The following TLK2 variants were observed in gnomAD, a reference collection of about 807,000 sequenced individuals.
TLK2 encodes tousled like kinase 2.
In TLK2, 6 loss-of-function variants were observed where a neutral mutation model predicts 117.3. That is an observed-to-expected ratio of 0.05 (90% confidence interval 0.03 to 0.10). The LOEUF (loss-of-function observed/expected upper bound fraction) is 0.10, where lower values mean the gene tolerates loss of function less well. TLK2 is among the 10% of genes least tolerant of loss of function. TLK2 has a pLI of 1.00. For missense variants in TLK2, 299 were observed against 901.2 expected, an observed-to-expected ratio of 0.33 and a Z score of 8.56; for synonymous variants, 257 against 316.7, an observed-to-expected ratio of 0.81 and a Z score of 2.00.
In TLK2 at chr17:62,603,970, CTTTATTTATTTATTTATTTATTTA is replaced by C. The variant is rs66748805; in HGVS notation, c.1859+1818_1859+1841del. On this transcript the variant is annotated intron_variant, in intron 19 of 21. Transcript: ENST00000346027. ...TTACAGAATTCTTCTACATTGAATA[CTTTATTTATTTATTTATTTATTTA>C]TTTATTTATTTATTTATTTATTTAT... 4.2e-3 allele frequency among the ~76,000 whole-genome samples: 601 copies of C among 141,512 alleles called. 3 individuals are homozygous for C. Among genetic ancestry groups the C allele is most frequent in the African/African-American group, 0.014 (559 of 38,744 alleles). The allele number at this position is 141,512 out of a possible 152,430, so 92.8% of individuals were successfully genotyped here.
At chr17:62,607,083 A>G (rs1463440821) in intron 20 of TLK2, among the ~76,000 whole-genome samples, 1 of 135,174 alleles carries the variant, frequency 7.4e-6, no homozygotes, top group Non-Finnish European at 1.5e-5. Flanking sequence ...AGGCTTAATT[A>G]TTATTTACAT....
chr17:62,586,012 A>T (rs902525237), intron 15 of TLK2, 123 bp from the exon 16 acceptor site: 7 of 665,158 alleles, frequency 1.1e-5, no homozygotes, highest in South Asian at 6.8e-5. Context: ...TGATATAAGT[A>T]TGTGATGTAT....
intron 7 of TLK2, among the ~76,000 whole-genome samples, chr17:62,540,848 G>T (rs1476150724): frequency 6.6e-6 from 1 of 152,040 alleles, no homozygotes; most frequent in African/African-American, 2.4e-5. Context: ...GTGTTGAAAC[G>T]TAAGTCCAGT....
intron 12 of TLK2, among the ~76,000 whole-genome samples, chr17:62,575,675 T>TTCTC (rs1052693731): frequency 6.6e-6 from 1 of 151,788 alleles, no homozygotes; most frequent in African/African-American, 2.4e-5. Flanking sequence ...CTTTCTGTCT[T>TTCTC]TCTCTCTCTC....
At chr17:62,534,375 TA>T (rs1176440116) in intron 6 of TLK2, among the ~76,000 whole-genome samples, 3 of 152,242 alleles carry the variant, frequency 2.0e-5, no homozygotes, top group Non-Finnish European at 4.4e-5. Flanking sequence ...TATTACCGTT[TA>T]ACTTAGATCA....
chr17:62,539,082 T>C (rs1471771570), intron 7 of TLK2, among the ~76,000 whole-genome samples: 3 of 152,230 alleles, frequency 2.0e-5, no homozygotes, highest in African/African-American at 7.2e-5. Context: ...TTTAGAGATA[T>C]ATTCAGTTTT....
intron 7 of TLK2, among the ~76,000 whole-genome samples, chr17:62,547,986 T>C (rs953393712): frequency 1.3e-5 from 2 of 152,210 alleles, no homozygotes; most frequent in African/African-American, 4.8e-5. Flanking sequence ...TTGTTTGTAT[T>C]ATATTCAGAA....
At chr17:62,487,584 C>A (rs1426983450) in intron 2 of TLK2, among the ~76,000 whole-genome samples, 2 of 146,484 alleles carry the variant, frequency 1.4e-5, no homozygotes, top group African/African-American at 2.5e-5. Context: ...TTCTTTTAAT[C>A]TGCAGGAATT....
At chr17:62,603,970 C>CTTTATTTATTTA (rs66748805) in intron 19 of TLK2, among the ~76,000 whole-genome samples, 6 of 141,434 alleles carry the variant, frequency 4.2e-5, no homozygotes, top group African/African-American at 5.2e-5. Flanking sequence ...ACATTGAATA[C>CTTTATTTATTTA]TTTATTTATT....
chr17:62,478,259 C>T (rs2071153832), upstream of TLK2, among the ~76,000 whole-genome samples: 1 of 151,662 alleles, frequency 6.6e-6, no homozygotes, highest in Admixed American at 6.6e-5. Context: ...GATTAGCGTC[C>T]TCTAAACTCC....
At chr17:62,611,521 G>A (rs1022509765) in intron 21 of TLK2, among the ~76,000 whole-genome samples, 1 of 152,146 alleles carries the variant, frequency 6.6e-6, no homozygotes, top group African/African-American at 2.4e-5. Flanking sequence ...CCTCCGCATC[G>A]ATATCCCCTG....
At chr17:62,484,307 T>C (rs1484362790) in intron 2 of TLK2, among the ~76,000 whole-genome samples, 1 of 152,026 alleles carries the variant, frequency 6.6e-6, no homozygotes, top group Non-Finnish European at 1.5e-5. Context: ...TGACTTCTTT[T>C]TTTTTTGAGA....
intron 2 of TLK2, among the ~76,000 whole-genome samples, chr17:62,503,499 C>T (rs1486101452): frequency 1.3e-5 from 2 of 151,118 alleles, no homozygotes; most frequent in Non-Finnish European, 2.9e-5. Flanking sequence ...CCCACTGCAA[C>T]CTCTGCCTCC....
chr17:62,558,880 A>G (rs529664393), intron 9 of TLK2, among the ~76,000 whole-genome samples: 6 of 152,244 alleles, frequency 3.9e-5, no homozygotes, highest in Admixed American at 1.3e-4. Flanking sequence ...CAAGGTCTCA[A>G]AAATTGAGTA....
chr17:62,532,840 C>T (rs190737517), intron 6 of TLK2, among the ~76,000 whole-genome samples: 1 of 152,186 alleles, frequency 6.6e-6, no homozygotes, highest in East Asian at 1.9e-4. Flanking sequence ...GATAAATCCC[C>T]TAATAGTAAT....
intron 19 of TLK2, among the ~76,000 whole-genome samples, chr17:62,604,887 C>T (rs929942354): frequency 1.3e-4 from 19 of 151,934 alleles, no homozygotes; most frequent in Admixed American, 1.1e-3. Context: ...AAAAATCTTG[C>T]TAACTTATTT....
chr17:62,613,766 A>G lies in TLK2; in HGVS notation c.*1201A>G, dbSNP rs755957793. On this transcript the variant is annotated 3_prime_UTR_variant, in exon 22 of 22. Transcript: ENST00000346027. ...TGTGTGTCTGTGTGTGCATGTACAC[A>G]CACACTTTGTCTAGCTCACTTTAAA... The G allele has an allele frequency of 2.0e-5, 3 of 152,172 alleles. No homozygotes were observed. The highest frequency in any genetic ancestry group is 4.4e-5 in the Non-Finnish European group (3 of 68,036). 9.4% of individuals were successfully genotyped at this position (152,172 alleles called of 1,614,324 possible). A position where few individuals can be genotyped will look rare whatever the true frequency, so the allele number is the denominator to read the frequency against.
intron 3 of TLK2, among the ~76,000 whole-genome samples, chr17:62,521,509 GTCC>G (rs1251324490): frequency 1.3e-5 from 2 of 152,122 alleles, no homozygotes; most frequent in African/African-American, 4.8e-5. Flanking sequence ...AACTCAAGCA[GTCC>G]TCCTGTCTCA....
Position 62,548,240 on chromosome 17 carries a change from A to ATATGTG in TLK2, c.532-4061_532-4060insATGTGT, listed in dbSNP as rs368516607. Among the ~76,000 whole-genome samples the ATATGTG allele has an allele frequency of 1.5e-3, 181 of 121,294 alleles. 2 individuals are homozygous for ATATGTG. Among genetic ancestry groups the ATATGTG allele is most frequent in the African/African-American group, 5.4e-3 (175 of 32,446 alleles). 79.6% of individuals were successfully genotyped at this position (121,294 alleles called of 152,430 possible). A position where few individuals can be genotyped will look rare whatever the true frequency, so the allele number is the denominator to read the frequency against. ...TTATCATTGGGCCATATATATATAT[A>ATATGTG]TGTGTGTGTGTGTGTGTGTGTGTGT... On this transcript the variant is annotated intron_variant, in intron 7 of 21. Transcript: ENST00000346027.
Sources: gnomAD v4.1 joint callset for allele counts (sites outside exome capture counted in the v4.1 genomes callset) on GRCh38, gnomAD v4.1.1 for gene constraint, MANE v1.5 for transcripts, NCBI Gene and HGNC (gene_info 2026-07-23, HGNC 2026-07-21) for gene names.